The following SIRT1 variants were observed in gnomAD, a reference collection of about 807,000 sequenced individuals.
SIRT1 encodes the protein sirtuin 1.
In SIRT1, 24 loss-of-function variants were observed where a neutral mutation model predicts 67.9. That is an observed-to-expected ratio of 0.35 (90% confidence interval 0.26 to 0.50). SIRT1 has a LOEUF of 0.50. Among genes scored for constraint, SIRT1 ranks in the 20% least tolerant of loss-of-function variants. The pLI is 0.98. For missense variants in SIRT1, 873 were observed against 937.2 expected, an observed-to-expected ratio of 0.93 and a Z score of 0.89; for synonymous variants, 378 against 350.7, an observed-to-expected ratio of 1.08 and a Z score of -0.87.
chr10:67,885,242 C>T, intron 1 of SIRT1, 91 bp downstream of exon 1: 1 of 1,257,154 alleles, frequency 8.0e-7, no homozygotes, highest in Non-Finnish European at 1.0e-6. Flanking sequence ...GCTGGGGGCT[C>T]GGGGCAGGCT....
intron 3 of SIRT1, 111 bp from the exon 4 acceptor site, chr10:67,891,291 C>A: frequency 2.3e-6 from 2 of 872,920 alleles, no homozygotes; most frequent in Non-Finnish European, 3.5e-6. Flanking sequence ...AAAGAAGTTT[C>A]AGACTAAAAT....
At chr10:67,898,971 A>T (rs569142558) in intron 4 of SIRT1, among the ~76,000 whole-genome samples, 1 of 152,280 alleles carries the variant, frequency 6.6e-6, no homozygotes, top group African/African-American at 2.4e-5. Context: ...GTAATTCTGT[A>T]TTTGTACATT....
chr10:67,906,687 T>G, intron 4 of SIRT1, 103 bp from the exon 5 acceptor site: 1 of 1,177,008 alleles, frequency 8.5e-7, no homozygotes, highest in East Asian at 2.4e-5. Context: ...TATTTCATTT[T>G]TAAAATTATG....
chr10:67,899,861 G>T (rs1268927137), intron 4 of SIRT1, among the ~76,000 whole-genome samples: 1 of 151,968 alleles, frequency 6.6e-6, no homozygotes, highest in African/African-American at 2.4e-5. Context: ...GAGGCGGGTG[G>T]ATCACTTGAG....
At position 67,884,971 on chromosome 10, in the gene SIRT1, G is replaced by C; in HGVS notation, c.250G>C (p.Ala84Pro). 8.7e-6 allele frequency: 11 copies of C among 1,266,442 alleles called. No homozygotes were observed. Among genetic ancestry groups the C allele is most frequent in the Non-Finnish European group, 1.1e-5 (11 of 1,005,156 alleles). 78.5% of individuals were successfully genotyped at this position (1,266,442 alleles called of 1,614,324 possible). Residue 84 changes from alanine (A) to proline (P), a missense_variant, in exon 1 of 9, where the codon GCG becomes CCG. Around this residue, in one of 3 missense-constraint regions of SIRT1, gnomAD observed 327 missense variants for 283.9 expected, o/e 1.15. Transcript: ENST00000212015. ...ALWREAEAEA[A>P]AAGGEQEAQA... The stretch of plus-strand genomic sequence containing the variant: ...GTGGCGGGAGGCGGAGGCAGAGGCG[G>C]CGGCGGCAGGCGGGGAGCAAGAGGC...
intron 2 of SIRT1, 129 bp downstream of exon 2, chr10:67,887,662 C>T (rs1188735556): frequency 2.1e-5 from 12 of 558,470 alleles, no homozygotes; most frequent in African/African-American, 1.3e-4. Flanking sequence ...CCGTACCCTC[C>T]GCCTTCCAGG....
At chr10:67,899,305 T>TA (rs34971866) in intron 4 of SIRT1, among the ~76,000 whole-genome samples, 13 of 149,522 alleles carry the variant, frequency 8.7e-5, no homozygotes, top group East Asian at 1.9e-4. Flanking sequence ...TTCTTAGCAT[T>TA]AAAAAAAAAG....
chr10:67,889,218 T>TCTA, intron 3 of SIRT1, 95 bp downstream of exon 3: 2 of 1,350,486 alleles, frequency 1.5e-6, no homozygotes, highest in Non-Finnish European at 2.0e-6. Context: ...GATTTATCCT[T>TCTA]ACATGATAAT....
rs563423683 is a variant in SIRT1 at position 67,896,110 on chromosome 10, GCAGTT to G, written c.942+4557_942+4561del. ...TTAAGGAAGTTATTGCTCTGTTAGA[GCAGTT>G]TCTTAAATTTGGCACTATTGACATT... is the stretch of plus-strand genomic sequence containing the variant. On this transcript the variant is annotated intron_variant, in intron 4 of 8. Coordinates refer to ENST00000212015, the MANE Select transcript of SIRT1 (RefSeq NM_012238.5). Among the ~76,000 whole-genome samples, 675 of 152,244 alleles carry G rather than the reference GCAGTT, an allele frequency of 4.4e-3. 3 individuals are homozygous for G. The highest frequency in any genetic ancestry group is 0.015 in the African/African-American group (632 of 41,544).
intron 4 of SIRT1, among the ~76,000 whole-genome samples, chr10:67,895,249 G>A (rs12256190): frequency 0.014 from 2,157 of 152,070 alleles, 37 homozygotes; most frequent in African/African-American, 0.048. Context: ...GCAATACCCC[G>A]TCTCTAATAA....
In SIRT1 at chr10:67,912,706, A is replaced by T. The variant is rs1457884624; in HGVS notation, c.1590A>T (p.Thr530=). The T allele has an allele frequency of 6.2e-7, 1 of 1,614,040 alleles. No homozygotes were observed. The highest frequency in any genetic ancestry group is 1.7e-5 in the Admixed American group (1 of 60,004). ...ELAYLSELPP[T]PLHVSEDSSS... is the part of the protein sequence containing the mutation. ...CTTATTTGTCAGAGTTGCCACCCAC[A>T]CCTCTTCATGTTTCAGAAGACTCAA... The change falls in exon 8 of 9, where the codon ACA becomes ACT. Residue 530 remains threonine, a synonymous_variant. Coordinates refer to ENST00000212015, the MANE Select transcript of SIRT1 (RefSeq NM_012238.5).
Position 67,895,733 on chromosome 10 carries a change from G to GTTTTTTTTTTTTTTTTT in SIRT1, c.942+4193_942+4194insTTTTTTTTTTTTTTTTT, listed in dbSNP as rs1297235964. ...GTATGTGATTATTGAGAATTAACTT[G>GTTTTTTTTTTTTTTTTT]TTTTTTTTTTTTTTGTTTTTTTTTT... On this transcript the variant is annotated intron_variant, in intron 4 of 8. Coordinates refer to ENST00000212015, the MANE Select transcript of SIRT1 (RefSeq NM_012238.5). Among the ~76,000 whole-genome samples, 9 of 42,740 alleles carry GTTTTTTTTTTTTTTTTT rather than the reference G, an allele frequency of 2.1e-4. 1 individual carries two copies. The highest frequency in any genetic ancestry group is 8.1e-4 in the East Asian group (1 of 1,236). 28.0% of individuals were successfully genotyped at this position (42,740 alleles called of 152,430 possible).
intron 4 of SIRT1, among the ~76,000 whole-genome samples, chr10:67,896,133 T>A (rs146817460): frequency 6.6e-6 from 1 of 152,266 alleles, no homozygotes; most frequent in African/African-American, 2.4e-5. Context: ...TTTGGCACTA[T>A]TGACATTTTG....
intron 1 of SIRT1, among the ~76,000 whole-genome samples, chr10:67,885,620 C>CT (rs1190608510): frequency 6.6e-6 from 1 of 151,668 alleles, no homozygotes; most frequent in Non-Finnish European, 1.5e-5. Flanking sequence ...GTGCAGTTTG[C>CT]TTTTTTTGGT....
intron 4 of SIRT1, among the ~76,000 whole-genome samples, chr10:67,901,739 G>A (rs551482364): frequency 9.8e-5 from 15 of 152,358 alleles, no homozygotes; most frequent in African/African-American, 1.7e-4. Context: ...AGGGGTTGGC[G>A]TACTATGGCC....
chr10:67,906,909 G>A lies in SIRT1; in HGVS notation c.1062G>A (p.Ala354=), dbSNP rs36067477. 6.8e-4 allele frequency: 1,097 copies of A among 1,607,794 alleles called. 4 individuals carry two copies. In the African/African-American group the frequency reaches 9.8e-3, roughly 14 times the overall value. The part of the protein sequence containing the change: ...TQNIDTLEQV[A]GIQRIIQCHG... ...ACATAGACACGCTGGAACAGGTTGC[G>A]GGAATCCAAAGGATAATTCAGTGTC... Residue 354 remains alanine, a synonymous_variant, in exon 5 of 9, where the codon GCG becomes GCA. Transcript: ENST00000212015.
intron 4 of SIRT1, among the ~76,000 whole-genome samples, chr10:67,895,730 C>CTGGTT (rs1842644338): frequency 1.1e-5 from 1 of 94,046 alleles, no homozygotes; most frequent in African/African-American, 3.9e-5. Flanking sequence ...TGAGAATTAA[C>CTGGTT]TTGTTTTTTT....
In SIRT1 at chr10:67,889,044, G is replaced by T; in HGVS notation, c.710G>T (p.Arg237Ile). ...TCAGAACCACCAAAAAGGAAAAAAA[G>T]AAAAGATATTAATACAATTGAAGAT... ...ILSEPPKRKK[R>I]KDINTIEDAV... Residue 237 changes from arginine (R) to isoleucine (I), a missense_variant, in exon 3 of 9, where the codon AGA becomes ATA. By Grantham distance (97) the Arg-to-Ile change is moderately conservative. This residue lies in a region of SIRT1 where 251 missense variants were observed against 358.8 expected (regional missense o/e 0.70). Transcript: ENST00000212015. 1 of 1,612,756 alleles carries T rather than the reference G, an allele frequency of 6.2e-7. No homozygotes were observed. The highest frequency in any genetic ancestry group is 1.1e-5 in the South Asian group (1 of 90,974).
At chr10:67,907,076 A>G (rs909002090) in intron 5 of SIRT1, 139 bp downstream of exon 5, 30 of 749,536 alleles carry the variant, frequency 4.0e-5, no homozygotes, top group Non-Finnish European at 5.9e-5. Context: ...AACCTCAGAA[A>G]AGTAGAAAAC....
Sources: allele counts gnomAD v4.1 joint callset (sites outside exome capture counted in the v4.1 genomes callset), GRCh38; gene constraint gnomAD v4.1.1; regional missense constraint gnomAD v4.1.1; transcripts MANE v1.5; gene names NCBI Gene and HGNC (gene_info 2026-07-23, HGNC 2026-07-21).